INSR: variants seen among roughly 807,000 people sequenced by gnomAD.
INSR encodes IR.
Under a neutral mutation model 142.6 loss-of-function variants are expected in INSR, and 67 were observed. The observed-to-expected ratio is 0.47, with a 90% CI of 0.39 to 0.58. INSR has a LOEUF of 0.58. Ranked by LOEUF, INSR falls within the 20% of genes least tolerant of loss-of-function variation. The pLI is 0.00. For missense variants in INSR, 1,248 were observed against 1,833.2 expected (o/e 0.68, Z 5.83); for synonymous variants, 756 against 743.1 (o/e 1.02, Z -0.28).
rs1195510305 is a variant in INSR, at chr19:7,119,867, AAC to A, written c.3660-286_3660-285del. Among the ~76,000 whole-genome samples, 9 of 151,506 alleles carry A rather than the reference AAC, an allele frequency of 5.9e-5. No individual in the cohort carries two copies. Among genetic ancestry groups the A allele is most frequent in the East Asian group, 1.9e-4 (1 of 5,160 alleles). The stretch of plus-strand genomic sequence containing the variant: ...AAACACACACACGCACACACATGCA[AAC>A]ACACACAAACACACATATGCACACA... On this transcript the variant is annotated intron_variant, in intron 20 of 21. Coordinates refer to ENST00000302850, the MANE Select transcript of INSR (RefSeq NM_000208.4). The surrounding 1 kb of genome is among the most constrained non-coding windows in gnomAD (Gnocchi z 5.2).
At position 7,240,575 on chromosome 19, in the gene INSR, CAAAT is replaced by C. The variant is rs528313466; in HGVS notation, c.652+26766_652+26769del. ...CAAGAGTGAAACTCGTTGTCAAATA[CAAAT>C]AAATAAATAAATAGATTTAAAGAAC... is the stretch of plus-strand genomic sequence containing the variant. On this transcript the variant is annotated intron_variant, in intron 2 of 21. Transcript: ENST00000302850. 1.7e-3 allele frequency among the ~76,000 whole-genome samples: 254 copies of C among 152,188 alleles called. 1 individual carries two copies. Among genetic ancestry groups the C allele is most frequent in the African/African-American group, 5.5e-3 (229 of 41,522 alleles).
At position 7,150,818 on chromosome 19, in the gene INSR, C is replaced by T. The variant is rs185846158; in HGVS notation, c.2232-286G>A. On this transcript the variant is annotated intron_variant, in intron 10 of 21. Coordinates refer to ENST00000302850, the MANE Select transcript of INSR (RefSeq NM_000208.4). The surrounding 1 kb of genome is among the most constrained non-coding windows in gnomAD (Gnocchi z 4.2). ...GACTACATGTGGACATCACAACTGA[C>T]TCAGCCACTTCTCCAAGTCTGGCAG... 2.6e-5 allele frequency among the ~76,000 whole-genome samples: 4 copies of T among 152,208 alleles called. No individual in the cohort carries two copies. The highest frequency in any genetic ancestry group is 5.9e-5 in the Non-Finnish European group (4 of 68,034).
chr19:7,199,400 ATTTG>A (rs201046361), intron 2 of INSR, among the ~76,000 whole-genome samples: 93 of 151,264 alleles, frequency 6.1e-4, no homozygotes, highest in African/African-American at 2.2e-3. Flanking sequence ...GATTTTTTAA[ATTTG>A]TTTGTTTGTT....
At position 7,191,978 on chromosome 19, in the gene INSR, AGGAG is replaced by A. The variant is rs950930034; in HGVS notation, c.653-7345_653-7342del. ...ATAAAAAGAAAGAAGGAGGGAAGGAAGGAGGGAGGGAGGGGAGAGAGAGAGAAAG... is the reference window on the plus strand; with the variant it reads ...ATAAAAAGAAAGAAGGAGGGAAGGAAGGAGGGAGGGGAGAGAGAGAGAAAG... On this transcript the variant is annotated intron_variant, in intron 2 of 21. Transcript: ENST00000302850. Among the ~76,000 whole-genome samples, 8 of 145,352 alleles carry A rather than the reference AGGAG, an allele frequency of 5.5e-5. No homozygotes were observed. The South Asian group carries it at 1.2e-3, about 22-fold the overall frequency.
chr19:7,197,827 A>AAC (rs1599992895), intron 2 of INSR, among the ~76,000 whole-genome samples: 1 of 57,846 alleles, frequency 1.7e-5, no homozygotes. Flanking sequence ...AGCGAGAGAG[A>AAC]GAGAGAACGA....
chr19:7,112,979 A>T lies in INSR; in HGVS notation c.*4077T>A, dbSNP rs1334770534. The T allele has an allele frequency of 6.6e-6, 1 of 152,158 alleles. No homozygotes were observed. The highest frequency in any genetic ancestry group is 1.5e-5 in the Non-Finnish European group (1 of 68,024). 9.4% of individuals were successfully genotyped at this position (152,158 alleles called of 1,614,324 possible). A position where few individuals can be genotyped will look rare whatever the true frequency, so the allele number is the denominator to read the frequency against. Reference sequence around the variant, plus strand: ...TGACACCCCTCTCTGTGTACCATGTATATAAAATCGGCATTCCCTGTTCCC... The same window carrying T: ...TGACACCCCTCTCTGTGTACCATGTTTATAAAATCGGCATTCCCTGTTCCC... On this transcript the variant is annotated 3_prime_UTR_variant, in exon 22 of 22. Transcript: ENST00000302850.
intron 8 of INSR, among the ~76,000 whole-genome samples, chr19:7,164,209 C>T (rs1973836078): frequency 6.6e-6 from 1 of 151,708 alleles, no homozygotes; most frequent in Non-Finnish European, 1.5e-5. Context: ...GAGGGTGCAT[C>T]CTGTGTGTTG....
chr19:7,153,326 A>ACATAC (rs1973478127), intron 9 of INSR, among the ~76,000 whole-genome samples: 1 of 142,462 alleles, frequency 7.0e-6, no homozygotes, highest in African/African-American at 3.0e-5. Context: ...CACACACCAC[A>ACATAC]CACACCCACG....
Position 7,259,104 on chromosome 19 carries a change from C to CTTCCTTCTTCCTTCT in INSR, c.652+8240_652+8241insAGAAGGAAGAAGGAA, listed in dbSNP as rs1555688456. Among the ~76,000 whole-genome samples, 16 of 129,526 alleles carry CTTCCTTCTTCCTTCT rather than the reference C, an allele frequency of 1.2e-4. 1 individual carries two copies. The highest frequency in any genetic ancestry group is 4.7e-4 in the Admixed American group (6 of 12,650). 85.0% of individuals were successfully genotyped at this position (129,526 alleles called of 152,430 possible). ...CTTTCCTTCCCGCCTTCCCTCCTTC[C>CTTCCTTCTTCCTTCT]TTCCTTCCTTTCTTTCCTTTTATTT... is the stretch of plus-strand genomic sequence containing the variant. On this transcript the variant is annotated intron_variant, in intron 2 of 21. Transcript: ENST00000302850.
In INSR at chr19:7,125,331, C is replaced by T; in HGVS notation, c.3210G>A (p.Glu1070=). ...NESASLRERI[E]FLNEASVMKG... ...TCATGACCGAGGCCTCATTGAGGAA[C>T]TCAATCCGCTCTCGGAGACTGGCTG... The change falls in exon 17 of 22, where the codon GAG becomes GAA. Residue 1070 remains glutamate (E), a synonymous_variant. Coordinates refer to ENST00000302850, the MANE Select transcript of INSR (RefSeq NM_000208.4). This position sits in a 1 kb window ranked among gnomAD's most constrained non-coding sequence, Gnocchi z 4.9. The T allele has an allele frequency of 6.2e-7, 1 of 1,614,124 alleles. No individual in the cohort carries two copies. The highest frequency in any genetic ancestry group is 8.5e-7 in the Non-Finnish European group (1 of 1,180,026).
chr19:7,203,454 C>A (rs1023756678), intron 2 of INSR, among the ~76,000 whole-genome samples: 1 of 152,030 alleles, frequency 6.6e-6, no homozygotes, highest in African/African-American at 2.4e-5. Context: ...TCCATGGGAA[C>A]GAGGAAGTGG....
chr19:7,226,413 G>GA (rs71177176), intron 2 of INSR, among the ~76,000 whole-genome samples: 2 of 89,648 alleles, frequency 2.2e-5, no homozygotes, highest in African/African-American at 9.0e-5. Flanking sequence ...CGTCTCAAGG[G>GA]AAAAAAAAAA....
chr19:7,265,476 C>T (rs367988470), intron 2 of INSR, among the ~76,000 whole-genome samples: 2 of 152,254 alleles, frequency 1.3e-5, no homozygotes, highest in East Asian at 1.9e-4. Flanking sequence ...CGCGGTGGCT[C>T]ACGCCTGTAA....
At chr19:7,263,523 C>T (rs1472671048) in intron 2 of INSR, among the ~76,000 whole-genome samples, 1 of 152,116 alleles carries the variant, frequency 6.6e-6, no homozygotes, top group Admixed American at 6.6e-5. Flanking sequence ...GTAACAAAAC[C>T]CCCAGTACTG....
intron 8 of INSR, among the ~76,000 whole-genome samples, chr19:7,163,948 A>AAAAAATAT (rs1411048837): frequency 1.5e-5 from 2 of 136,140 alleles, no homozygotes; most frequent in African/African-American, 6.3e-5. Context: ...AAAAAAAAAA[A>AAAAAATAT]ATTAGCTGGA....
chr19:7,152,454 T>A (rs1388497733), intron 10 of INSR: 1 of 502,802 alleles, frequency 2.0e-6, no homozygotes, highest in East Asian at 3.8e-5. Context: ...GGAACTCACG[T>A]GGAGACCAGC....
intron 2 of INSR, among the ~76,000 whole-genome samples, chr19:7,240,837 T>C (rs75253922): frequency 0.16 from 23,826 of 152,196 alleles, 2,073 homozygotes; most frequent in Non-Finnish European, 0.19. Context: ...GCTATGTGTA[T>C]AAGATGTACA....
At chr19:7,197,758 AGTGTGT>A (rs57922087) in intron 2 of INSR, among the ~76,000 whole-genome samples, 29 of 57,802 alleles carry the variant, frequency 5.0e-4, no homozygotes, top group African/African-American at 1.6e-3. Context: ...CCAGAGTGGG[AGTGTGT>A]GTGTGTGTGT....
chr19:7,167,989 A>AGG lies in INSR; in HGVS notation c.1588_1589insCC (p.Phe530SerfsTer14). 6.2e-7 allele frequency: 1 copy of AGG among 1,614,096 alleles called. No individual in the cohort carries two copies. Among genetic ancestry groups the AGG allele is most frequent in the Middle Eastern group, 1.6e-4 (1 of 6,062 alleles). On this transcript the variant is annotated frameshift_variant, in exon 7 of 22. Coordinates refer to ENST00000302850, the MANE Select transcript of INSR (RefSeq NM_000208.4). LOFTEE classifies it high-confidence loss of function. Reference sequence around the variant, plus strand: ...TTACGCCTCTTTGTAGAACAGCATGAACCCCAAGAGGTCTCGGAAGTCGGG... The same window carrying AGG: ...TTACGCCTCTTTGTAGAACAGCATGAGGACCCCAAGAGGTCTCGGAAGTCGGG...
Sources: gnomAD v4.1 joint callset for allele counts (sites outside exome capture counted in the v4.1 genomes callset) on GRCh38, gnomAD v4.1.1 for gene constraint, Gnocchi (gnomAD v3.1) non-coding constraint, MANE v1.5 for transcripts, NCBI Gene and HGNC (gene_info 2026-07-23, HGNC 2026-07-21) for gene names.